Variants in CRB1 observed in about 807,000 individuals in gnomAD.
CRB1 encodes crumbs cell polarity complex component 1, also known as protein crumbs homolog 1.
A neutral mutation model predicts 120.0 loss-of-function variants in CRB1; 83 were observed. The ratio of observed to expected loss-of-function variants is 0.69; its 90% confidence interval spans 0.58 to 0.83. The LOEUF is 0.83. Among genes scored for constraint, CRB1 ranks in the 40% least tolerant of loss-of-function variants. CRB1 has a pLI of 0.00. For synonymous variants in CRB1, 625 were observed against 612.5 expected, an observed-to-expected ratio of 1.02 and a Z score of -0.30; for missense variants, 1,699 against 1,687.6, an observed-to-expected ratio of 1.01 and a Z score of -0.12.
At chr1:197,240,237 A>C in the CRB1 span, among the ~76,000 whole-genome samples, 1 of 152,028 alleles carries the variant, frequency 6.6e-6, no homozygotes, top group Admixed American at 6.6e-5. Flanking sequence ...TTTTAATTAT[A>C]CTTTAAGTTG....
At chr1:197,455,130 A>C (rs1209078775) in intron 11 of CRB1, among the ~76,000 whole-genome samples, 1 of 152,150 alleles carries the variant, frequency 6.6e-6, no homozygotes, top group Non-Finnish European at 1.5e-5. Context: ...ACAGCAGCCT[A>C]AACTGATACT....
chr1:197,222,630 A>G, the CRB1 span: 1 of 774,818 alleles, frequency 1.3e-6, no homozygotes, highest in South Asian at 1.3e-5. Context: ...AGGGAAGGCA[A>G]ACTCAGTGTT....
chr1:197,386,529 G>C (rs190309242), intron 5 of CRB1, among the ~76,000 whole-genome samples: 2 of 152,240 alleles, frequency 1.3e-5, no homozygotes. Context: ...ATTCATATCT[G>C]TCCCAGAACT....
rs62636287 is a variant in CRB1, at chr1:197,427,631, G to A, written c.2306G>A (p.Arg769His). 4,214 of 1,613,914 alleles carry A rather than the reference G, an allele frequency of 2.6e-3. 107 individuals are homozygous for A. The East Asian group carries it at 0.068, about 26-fold the overall frequency. Residue 769 changes from arginine to histidine, a missense_variant, in exon 7 of 12, where the codon CGC becomes CAC. Transcript: ENST00000367400. ...CAATATATCCGTGTCTGGCTAGAGC[G>A]CGGCAGACTAGCAATGCTGACTCCA... ...TYQYIRVWLE[R>H]GRLAMLTPNS...
In CRB1 at chr1:197,283,313, T is replaced by C. The variant is rs567206733; in HGVS notation, c.70+14831T>C. ...GTTACATGAGTAAGTTCTTTAGTGG[T>C]GATTGTGAGATTTTGGTGCACCCAT... is the stretch of plus-strand genomic sequence containing the variant. On this transcript the variant is annotated intron_variant, in intron 1 of 11. Transcript: ENST00000367400. Among the ~76,000 whole-genome samples the C allele has an allele frequency of 4.0e-4, 61 of 151,622 alleles. No homozygotes were observed. In the South Asian group the frequency reaches 0.012, roughly 31 times the overall value.
chr1:197,464,959 C>A lies in CRB1; in HGVS notation c.4006-12705C>A, dbSNP rs917498601. 2.0e-5 allele frequency among the ~76,000 whole-genome samples: 3 copies of A among 152,106 alleles called. No individual in the cohort carries two copies. The East Asian group carries it at 5.8e-4, about 29-fold the overall frequency. On this transcript the variant is annotated intron_variant, in intron 11 of 11. Transcript: ENST00000367400. ...CTTGTCATGCAATTTGTCTTTTGAGCCTTTTGTAGCAAAGGAACAGAGTTC... is the reference window on the plus strand; with the variant it reads ...CTTGTCATGCAATTTGTCTTTTGAGACTTTTGTAGCAAAGGAACAGAGTTC...
chr1:197,374,729 A>AT (rs917606734), intron 5 of CRB1, among the ~76,000 whole-genome samples: 10 of 150,904 alleles, frequency 6.6e-5, no homozygotes, highest in African/African-American at 1.5e-4. Flanking sequence ...TAAAATCATC[A>AT]TTTTTTTTTC....
chr1:197,421,120 C>T lies in CRB1; in HGVS notation c.1292C>T (p.Thr431Ile), dbSNP rs751691851. The change falls in exon 6 of 12, where the codon ACT becomes ATT. Residue 431 changes from threonine (T) to isoleucine (I), a missense_variant. Transcript: ENST00000367400. ...TGCCCATTTGATAACCTTTCTAGAA[C>T]TTTTTATGGAGGAAGGGACTGTTCT... ...CHCPFDNLSR[T>I]FYGGRDCSDI... is the part of the protein sequence containing the mutation. The T allele has an allele frequency of 4.5e-5, 72 of 1,614,166 alleles. No homozygotes were observed. The South Asian group carries it at 7.6e-4, about 17-fold the overall frequency.
chr1:197,231,900 A>G, the CRB1 span, among the ~76,000 whole-genome samples: 2 of 152,182 alleles, frequency 1.3e-5, no homozygotes, highest in South Asian at 2.1e-4. Context: ...AAAGATGTCT[A>G]TGTCCTAATT....
intron 1 of CRB1, among the ~76,000 whole-genome samples, chr1:197,311,826 G>T (rs183414982): frequency 1.3e-5 from 2 of 151,640 alleles, no homozygotes; most frequent in South Asian, 4.2e-4. Context: ...CTTTTAATGG[G>T]AAATTCCCCA....
At chr1:197,310,209 G>A (rs1031386136) in intron 1 of CRB1, among the ~76,000 whole-genome samples, 4 of 152,040 alleles carry the variant, frequency 2.6e-5, no homozygotes, top group African/African-American at 9.7e-5. Flanking sequence ...AGTTCAAGGA[G>A]GATCCTGCCC....
At chr1:197,438,409 C>A in intron 9 of CRB1, 138 bp from the exon 10 acceptor site, 1 of 1,020,316 alleles carries the variant, frequency 9.8e-7, no homozygotes, top group Non-Finnish European at 1.5e-6. Context: ...TAATGCAGCA[C>A]AATTAAGCAT....
chr1:197,357,262 G>A (rs929233976), intron 5 of CRB1: 4 of 544,998 alleles, frequency 7.3e-6, no homozygotes, highest in African/African-American at 5.7e-5. Flanking sequence ...GCTATACTGG[G>A]AACTGGAGTG....
At chr1:197,222,011 T>C in the CRB1 span, among the ~76,000 whole-genome samples, 130 of 152,344 alleles carry the variant, frequency 8.5e-4, no homozygotes, top group African/African-American at 3.0e-3. Flanking sequence ...AAATATATAG[T>C]GGAGGATATT....
intron 11 of CRB1, among the ~76,000 whole-genome samples, chr1:197,470,568 T>C (rs984975657): frequency 1.3e-5 from 2 of 152,208 alleles, no homozygotes. Context: ...TAATTTTTAT[T>C]CACAAGGCCA....
chr1:197,259,490 G>GA, the CRB1 span, among the ~76,000 whole-genome samples: 1 of 152,142 alleles, frequency 6.6e-6, no homozygotes. Flanking sequence ...AGAACACATG[G>GA]ACACATGGAG....
At position 197,268,347 on chromosome 1, in the gene CRB1, G is replaced by C. The variant is rs1654711810; in HGVS notation, c.-66G>C. 8.5e-7 allele frequency: 1 copy of C among 1,175,780 alleles called. No individual in the cohort carries two copies. The highest frequency in any genetic ancestry group is 1.5e-5 in the African/African-American group (1 of 66,082). 72.8% of individuals were successfully genotyped at this position (1,175,780 alleles called of 1,614,324 possible). ...ACCCGCTCCTCTCTGAGACAGACAG[G>C]GATCAGGAGCCGGACTGGGACCAGA... is the stretch of plus-strand genomic sequence containing the variant. On this transcript the variant is annotated 5_prime_UTR_variant, in exon 1 of 12. Transcript: ENST00000367400.
At chr1:197,354,526 G>A (rs7547404) in intron 4 of CRB1, among the ~76,000 whole-genome samples, 2,175 of 152,122 alleles carry the variant, frequency 0.014, 34 homozygotes, top group African/African-American at 0.049. Flanking sequence ...GAGTGAAGCC[G>A]CAGACCTTTG....
the CRB1 span, among the ~76,000 whole-genome samples, chr1:197,256,055 T>C: frequency 1.4e-5 from 2 of 147,632 alleles, no homozygotes; most frequent in Non-Finnish European, 3.0e-5. Context: ...ATTTTCAATC[T>C]GCACTTATTT....
Sources: allele counts gnomAD v4.1 joint callset (sites outside exome capture counted in the v4.1 genomes callset), GRCh38; gene constraint gnomAD v4.1.1; transcripts MANE v1.5; gene names NCBI Gene and HGNC (gene_info 2026-07-23, HGNC 2026-07-21).